M1AP: variants seen among roughly 807,000 people sequenced by gnomAD.
M1AP encodes the protein meiosis 1 arrest protein.
Under a neutral mutation model 51.2 loss-of-function variants are expected in M1AP, and 39 were observed. The observed-to-expected ratio is 0.76, with a 90% CI of 0.59 to 1.00. M1AP has a LOEUF of 1.00. Ranked by LOEUF, M1AP falls within the 50% of genes least tolerant of loss-of-function variation. M1AP has a pLI of 0.00. For synonymous variants in M1AP, 251 were observed against 249.2 expected, an observed-to-expected ratio of 1.01 and a Z score of -0.07; for missense variants, 545 against 641.2, an observed-to-expected ratio of 0.85 and a Z score of 1.62.
At position 74,643,590 on chromosome 2, in the gene M1AP, C is replaced by CTT. The variant is rs1161305967; in HGVS notation, c.-52-3265_-52-3264dup. 3.4e-3 allele frequency among the ~76,000 whole-genome samples: 447 copies of CTT among 130,062 alleles called. 4 individuals carry two copies. The highest frequency in any genetic ancestry group is 0.012 in the African/African-American group (428 of 35,304). The allele number at this position is 130,062 out of a possible 152,430, so 85.3% of individuals were successfully genotyped here. ...GGGGTCCTGGGGTGTTGGTAATGTT[C>CTT]TTTTTTTTTTTTTTTTTTGAGACAG... is the stretch of plus-strand genomic sequence containing the variant. On this transcript the variant is annotated intron_variant, in intron 1 of 10. Transcript: ENST00000421985.
At position 74,636,025 on chromosome 2, in the gene M1AP, A is replaced by G. The variant is rs150468856; in HGVS notation, c.240+4011T>C. Among the ~76,000 whole-genome samples the G allele has an allele frequency of 3.6e-3, 544 of 152,096 alleles. 5 individuals are homozygous for G. Among genetic ancestry groups the G allele is most frequent in the African/African-American group, 0.013 (519 of 41,520 alleles). On this transcript the variant is annotated intron_variant, in intron 2 of 10. Coordinates refer to ENST00000421985, the MANE Select transcript of M1AP (RefSeq NM_001321739.2). ...TTGGCTGATGTTTTTCTATATCCTT[A>G]TTGATGTTCTATAATTGTTGAGAGA... is the stretch of plus-strand genomic sequence containing the variant.
At chr2:74,621,824 T>C (rs1455137978) in intron 2 of M1AP, among the ~76,000 whole-genome samples, 1 of 148,542 alleles carries the variant, frequency 6.7e-6, no homozygotes, top group Non-Finnish European at 1.5e-5. Context: ...AAGTTTAATA[T>C]TGGTTGGGGG....
intron 4 of M1AP, among the ~76,000 whole-genome samples, chr2:74,592,291 C>T (rs1025943113): frequency 1.3e-5 from 2 of 152,108 alleles, no homozygotes; most frequent in Admixed American, 6.5e-5. Context: ...AAAATAAACA[C>T]ATGCCACTTC....
intron 4 of M1AP, 87 bp downstream of exon 4, chr2:74,606,968 T>C (rs1041808581): frequency 3.3e-5 from 35 of 1,068,854 alleles, no homozygotes; most frequent in Non-Finnish European, 4.5e-5. Flanking sequence ...TATGTATACA[T>C]GTGCCATGTT....
Position 74,558,427 on chromosome 2 carries a change from C to T in M1AP, c.*289G>A, listed in dbSNP as rs1208749616. The T allele has an allele frequency of 8.2e-6, 3 of 365,374 alleles. No homozygotes were observed. Among genetic ancestry groups the T allele is most frequent in the Non-Finnish European group, 9.8e-6 (2 of 203,556 alleles). The allele number at this position is 365,374 out of a possible 1,614,324, so 22.6% of individuals were successfully genotyped here. Reference sequence around the variant, plus strand: ...AATTCTGAGTTATGAATGCTCCTAACAATGGTAGAAGCTTACTGGGTGTTT... The same window carrying T: ...AATTCTGAGTTATGAATGCTCCTAATAATGGTAGAAGCTTACTGGGTGTTT... On this transcript the variant is annotated 3_prime_UTR_variant, in exon 11 of 11. Transcript: ENST00000421985.
intron 3 of M1AP, among the ~76,000 whole-genome samples, chr2:74,614,117 T>G (rs1681525733): frequency 6.6e-6 from 1 of 152,198 alleles, no homozygotes; most frequent in Non-Finnish European, 1.5e-5. Context: ...TGTCTACACC[T>G]AGCCTGTAGC....
rs750406767 is a variant in M1AP, at chr2:74,567,257, G to A, written c.1075-4834C>T. On this transcript the variant is annotated intron_variant, in intron 7 of 10. Coordinates refer to ENST00000421985, the MANE Select transcript of M1AP (RefSeq NM_001321739.2). Reference sequence around the variant, plus strand: ...TGGGTAAAAGAAAAATAAAAGTAGGGCAATAATACAGCCAGGATTAGATAA... The same window carrying A: ...TGGGTAAAAGAAAAATAAAAGTAGGACAATAATACAGCCAGGATTAGATAA... Among the ~76,000 whole-genome samples, 12 of 152,254 alleles carry A rather than the reference G, an allele frequency of 7.9e-5. No individual in the cohort carries two copies. In the East Asian group the frequency reaches 2.1e-3, roughly 27 times the overall value.
rs762618694 is a variant in M1AP at position 74,558,790 on chromosome 2, G to T, written c.1519C>A (p.Pro507Thr). The change falls in exon 11 of 11, where the codon CCA (proline) becomes ACA (threonine). Residue 507 changes from proline to threonine, a missense_variant. Pro to Thr is a conservative substitution (Grantham distance 38, BLOSUM62 -1). Coordinates refer to ENST00000421985, the MANE Select transcript of M1AP (RefSeq NM_001321739.2). ...TCTGAGGAAGATTTGCTGGCTGCTG[G>T]CATCTTGGAGGCTCTGCCTGGGACA... Reference protein sequence around the residue: ...TPVPGRASKMPAASKSSSDAF... With the variant: ...TPVPGRASKMTAASKSSSDAF... The T allele has an allele frequency of 1.2e-6, 2 of 1,611,768 alleles. No individual in the cohort carries two copies. The highest frequency in any genetic ancestry group is 2.7e-5 in the African/African-American group (2 of 74,832).
At chr2:74,589,291 G>A (rs1011912159) in intron 4 of M1AP, among the ~76,000 whole-genome samples, 1 of 152,226 alleles carries the variant, frequency 6.6e-6, no homozygotes, top group Non-Finnish European at 1.5e-5. Flanking sequence ...AATAAGGAAG[G>A]AAGTGAGGAC....
chr2:74,623,282 C>A (rs897461331), intron 2 of M1AP, among the ~76,000 whole-genome samples: 2 of 152,006 alleles, frequency 1.3e-5, no homozygotes, highest in African/African-American at 4.8e-5. Flanking sequence ...GGTGGACAGA[C>A]TGCTTGAGCT....
chr2:74,579,299 A>T (rs1679265114), intron 5 of M1AP, among the ~76,000 whole-genome samples: 1 of 152,208 alleles, frequency 6.6e-6, no homozygotes, highest in Non-Finnish European at 1.5e-5. Flanking sequence ...AGCCCTCCTA[A>T]TGAAAGAAGT....
At chr2:74,564,817 T>A (rs867474386) in intron 7 of M1AP, among the ~76,000 whole-genome samples, 5 of 152,188 alleles carry the variant, frequency 3.3e-5, no homozygotes, top group Non-Finnish European at 7.3e-5. Context: ...TCCATTTCAG[T>A]TGGCTTAAGT....
intron 2 of M1AP, among the ~76,000 whole-genome samples, chr2:74,617,949 G>A (rs559782503): frequency 6.6e-6 from 1 of 152,310 alleles, no homozygotes; most frequent in Non-Finnish European, 1.5e-5. Context: ...TGCATGTCCT[G>A]TGAATTTCAA....
chr2:74,612,335 C>T (rs576883612), intron 3 of M1AP, among the ~76,000 whole-genome samples: 18 of 152,048 alleles, frequency 1.2e-4, no homozygotes, highest in South Asian at 1.0e-3. Flanking sequence ...CTTTCCACCT[C>T]GGCCTCCCAA....
At chr2:74,570,059 A>G (rs963005080) in intron 7 of M1AP, among the ~76,000 whole-genome samples, 3 of 152,126 alleles carry the variant, frequency 2.0e-5, no homozygotes, top group Non-Finnish European at 4.4e-5. Flanking sequence ...AAATCACTTT[A>G]AAATTTACTT....
rs554957106 is a variant in M1AP at position 74,581,783 on chromosome 2, C to T, written c.660G>A (p.Glu220=). The change falls in exon 5 of 11, where the codon GAG becomes GAA. Residue 220 remains glutamate (E), a synonymous_variant. Transcript: ENST00000421985. ...QTIDNDIVSM[E]IFFKAWLHNS... ...TATGTAGCCAGGCTTTGAAGAAAAT[C>T]TCCATGCTGACGATATCATTGTCTA... 6.2e-7 allele frequency: 1 copy of T among 1,614,076 alleles called. No homozygotes were observed. The highest frequency in any genetic ancestry group is 1.1e-5 in the South Asian group (1 of 91,086).
intron 4 of M1AP, among the ~76,000 whole-genome samples, chr2:74,585,113 G>T (rs993615153): frequency 6.6e-6 from 1 of 152,076 alleles, no homozygotes; most frequent in Non-Finnish European, 1.5e-5. Context: ...AAAATGCTAG[G>T]ATTGCAGGTG....
At chr2:74,612,271 TGCAGTG>T (rs1289145379) in intron 3 of M1AP, among the ~76,000 whole-genome samples, 2 of 152,104 alleles carry the variant, frequency 1.3e-5, no homozygotes, top group African/African-American at 4.8e-5. Flanking sequence ...CAGGCTGCAA[TGCAGTG>T]GTGTGATCAT....
intron 2 of M1AP, chr2:74,628,320 T>A: frequency 2.8e-6 from 1 of 357,266 alleles, no homozygotes; most frequent in Non-Finnish European, 5.6e-6. Context: ...GCTTTCTCTA[T>A]TCAGGAAGCT....
Sources: gnomAD v4.1 joint callset for allele counts (sites outside exome capture counted in the v4.1 genomes callset) on GRCh38, gnomAD v4.1.1 for gene constraint, MANE v1.5 for transcripts, NCBI Gene and HGNC (gene_info 2026-07-23, HGNC 2026-07-21) for gene names.